The following AQP7B variants were observed in gnomAD, a reference collection of about 807,000 sequenced individuals.
The protein encoded by AQP7B is putative aquaporin-7B.
chr2:94,597,611 T>G, the AQP7B span, among the ~76,000 whole-genome samples: 1 of 150,684 alleles, frequency 6.6e-6, no homozygotes, highest in African/African-American at 2.4e-5. Context: ...CAGTCTTTTT[T>G]GTTTTTTTTT....
At chr2:94,589,064 C>T in the AQP7B span, among the ~76,000 whole-genome samples, 1 of 150,402 alleles carries the variant, frequency 6.6e-6, no homozygotes, top group South Asian at 2.1e-4. Context: ...GTCACTGCAA[C>T]CTCCTTCTCC....
chr2:94,588,583 C>T, the AQP7B span: 5 of 673,316 alleles, frequency 7.4e-6, no homozygotes, highest in Middle Eastern at 4.1e-4. Flanking sequence ...CTCCAGCCCC[C>T]TGTCCTCCAC....
At chr2:94,603,930 G>A in the AQP7B span, 2 of 1,264,964 alleles carry the variant, frequency 1.6e-6, no homozygotes, top group African/African-American at 2.9e-5. Flanking sequence ...AGGTCTTCAG[G>A]TACTGCCCCT....
the AQP7B span, among the ~76,000 whole-genome samples, chr2:94,600,641 G>A: frequency 6.6e-6 from 1 of 152,176 alleles, no homozygotes; most frequent in East Asian, 1.9e-4. Context: ...ACTTTGGGAG[G>A]CCAAGGCAGG....
chr2:94,600,949 G>C, the AQP7B span, among the ~76,000 whole-genome samples: 1 of 152,152 alleles, frequency 6.6e-6, no homozygotes, highest in Non-Finnish European at 1.5e-5. Flanking sequence ...GAGAGGCTGA[G>C]GTGGGAGGAT....
the AQP7B span, chr2:94,603,078 C>T: frequency 5.3e-5 from 85 of 1,593,846 alleles, no homozygotes; most frequent in Admixed American, 1.4e-3. Flanking sequence ...TAACTGTGCG[C>T]TGGGCCGCGT....
the AQP7B span, among the ~76,000 whole-genome samples, chr2:94,590,937 C>T: frequency 7.9e-6 from 1 of 127,268 alleles, no homozygotes; most frequent in Non-Finnish European, 1.6e-5. Flanking sequence ...AGAGTGAGAC[C>T]CTGTCTCAAA....
At chr2:94,588,755 G>A in the AQP7B span, among the ~76,000 whole-genome samples, 34 of 151,470 alleles carry the variant, frequency 2.2e-4, no homozygotes, top group Admixed American at 1.8e-3. Flanking sequence ...GTGAGGGGAG[G>A]CTCAGAAATA....
chr2:94,604,382 A>G, the AQP7B span: 2 of 1,611,466 alleles, frequency 1.2e-6, no homozygotes, highest in Non-Finnish European at 8.5e-7. Context: ...TGGCTCCACC[A>G]TCCCACGGGA....
chr2:94,591,152 A>G, the AQP7B span, among the ~76,000 whole-genome samples: 2 of 151,734 alleles, frequency 1.3e-5, no homozygotes, highest in African/African-American at 4.8e-5. Flanking sequence ...GGCTCAGATG[A>G]CAATCTGTGA....
At chr2:94,588,155 G>C in the AQP7B span, among the ~76,000 whole-genome samples, 2 of 152,040 alleles carry the variant, frequency 1.3e-5, no homozygotes, top group Non-Finnish European at 2.9e-5. Flanking sequence ...GAGGGATTGA[G>C]GTTAAAGGTG....
the AQP7B span, among the ~76,000 whole-genome samples, chr2:94,601,634 T>C: frequency 6.6e-6 from 1 of 152,064 alleles, no homozygotes; most frequent in Non-Finnish European, 1.5e-5. Flanking sequence ...TGTTCTCTCC[T>C]GCAGCATGAC....
chr2:94,601,004 G>T, the AQP7B span, among the ~76,000 whole-genome samples: 1 of 152,214 alleles, frequency 6.6e-6, no homozygotes, highest in African/African-American at 2.4e-5. Flanking sequence ...CCTGATCATG[G>T]CACTGCACTC....
the AQP7B span, among the ~76,000 whole-genome samples, chr2:94,598,097 G>T: frequency 6.6e-6 from 1 of 152,222 alleles, no homozygotes; most frequent in Non-Finnish European, 1.5e-5. Flanking sequence ...GTGCAGATTT[G>T]TTGTGAGGAT....
chr2:94,602,457 G>A, the AQP7B span: 2 of 1,586,714 alleles, frequency 1.3e-6, no homozygotes, highest in South Asian at 2.2e-5. Flanking sequence ...TGGGGCTTCT[G>A]GGCAGGCAGC....
chr2:94,598,957 C>T, the AQP7B span, among the ~76,000 whole-genome samples: 1 of 152,128 alleles, frequency 6.6e-6, no homozygotes, highest in Admixed American at 6.5e-5. Context: ...CATGTGCCAC[C>T]ACACCTGGCT....
chr2:94,591,869 A>C, the AQP7B span, among the ~76,000 whole-genome samples: 1 of 151,964 alleles, frequency 6.6e-6, no homozygotes, highest in Non-Finnish European at 1.5e-5. Flanking sequence ...CACTTCCTCC[A>C]CATGCCCCAC....
chr2:94,601,850 G>A, the AQP7B span, among the ~76,000 whole-genome samples: 1 of 152,236 alleles, frequency 6.6e-6, no homozygotes, highest in African/African-American at 2.4e-5. Flanking sequence ...TAGACTGAGG[G>A]TAATGGGCCT....
the AQP7B span, among the ~76,000 whole-genome samples, chr2:94,598,234 A>G: frequency 2.6e-5 from 4 of 152,290 alleles, no homozygotes; most frequent in South Asian, 4.1e-4. Context: ...ATATATATAT[A>G]GGAATCTCAG....
Sources: allele counts gnomAD v4.1 joint callset (sites outside exome capture counted in the v4.1 genomes callset), GRCh38; gene constraint gnomAD v4.1.1; transcripts MANE v1.5; gene names NCBI Gene and HGNC (gene_info 2026-07-23, HGNC 2026-07-21).